KHDRBS3: variants seen among roughly 807,000 people sequenced by gnomAD.
KHDRBS3 encodes KH domain-containing, RNA-binding, signal transduction-associated protein 3.
A neutral mutation model predicts 45.6 loss-of-function variants in KHDRBS3; 23 were observed. The observed-to-expected ratio is 0.50, with a 90% CI of 0.36 to 0.72. The LOEUF is 0.72. KHDRBS3 is among the 30% of genes least tolerant of loss of function. The pLI, the probability that KHDRBS3 is intolerant of heterozygous loss-of-function variation, is 0.00. For missense variants in KHDRBS3, 352 were observed against 424.8 expected, an observed-to-expected ratio of 0.83 and a Z score of 1.51; for synonymous variants, 162 against 156.5, an observed-to-expected ratio of 1.04 and a Z score of -0.26.
At chr8:135,513,043 A>G (rs1824385402) in intron 1 of KHDRBS3, among the ~76,000 whole-genome samples, 2 of 152,168 alleles carry the variant, frequency 1.3e-5, no homozygotes, top group South Asian at 2.1e-4. Flanking sequence ...TACTAAAAAT[A>G]CAAAAAATTA....
At chr8:135,564,668 A>G (rs1827318677) in intron 5 of KHDRBS3, among the ~76,000 whole-genome samples, 1 of 152,056 alleles carries the variant, frequency 6.6e-6, no homozygotes, top group Admixed American at 6.5e-5. Context: ...AGACTGGTCT[A>G]TGTCTTGACC....
intron 5 of KHDRBS3, among the ~76,000 whole-genome samples, chr8:135,566,080 T>C (rs1827398705): frequency 6.6e-6 from 1 of 152,194 alleles, no homozygotes; most frequent in Non-Finnish European, 1.5e-5. Context: ...ACAACAGCCA[T>C]GTATAAGCGA....
intron 2 of KHDRBS3, among the ~76,000 whole-genome samples, chr8:135,527,340 C>A (rs1040176443): frequency 2.0e-5 from 3 of 152,162 alleles, no homozygotes; most frequent in Non-Finnish European, 4.4e-5. Context: ...GAGGTTGTCT[C>A]TAAAGAGTCT....
At chr8:135,547,915 T>C (rs934661399) in intron 3 of KHDRBS3, among the ~76,000 whole-genome samples, 4 of 152,322 alleles carry the variant, frequency 2.6e-5, no homozygotes, top group East Asian at 3.9e-4. Flanking sequence ...GCAAAATCAG[T>C]AGTTCCTTAA....
At chr8:135,600,145 G>A (rs796628022) in intron 6 of KHDRBS3, among the ~76,000 whole-genome samples, 5 of 152,212 alleles carry the variant, frequency 3.3e-5, no homozygotes, top group Admixed American at 3.3e-4. Context: ...TTAGGAATTT[G>A]TTCTTTATCT....
At chr8:135,592,145 C>A (rs927062245) in intron 6 of KHDRBS3, among the ~76,000 whole-genome samples, 2 of 152,014 alleles carry the variant, frequency 1.3e-5, no homozygotes, top group African/African-American at 2.4e-5. Flanking sequence ...ACAAATCAAT[C>A]TTTTGCCTAA....
intron 1 of KHDRBS3, among the ~76,000 whole-genome samples, chr8:135,517,140 T>C (rs1042756095): frequency 2.0e-5 from 3 of 152,206 alleles, no homozygotes; most frequent in African/African-American, 7.2e-5. Context: ...AGGTTTGGTG[T>C]ACATGGTTTG....
At chr8:135,557,378 G>A (rs970804057) in intron 4 of KHDRBS3, 70 bp from the exon 5 acceptor site, 1 of 893,082 alleles carries the variant, frequency 1.1e-6, no homozygotes, top group Non-Finnish European at 1.6e-6. Flanking sequence ...AGAATTACTT[G>A]CTTTTTGTTC....
chr8:135,553,917 G>A (rs1320865774), intron 4 of KHDRBS3, among the ~76,000 whole-genome samples: 1 of 152,102 alleles, frequency 6.6e-6, no homozygotes, highest in African/African-American at 2.4e-5. Context: ...ACAGAAATAA[G>A]TTAGTCTGTA....
At position 135,535,150 on chromosome 8, in the gene KHDRBS3, G is replaced by T. The variant is rs143582449; in HGVS notation, c.208-7504G>T. Reference sequence around the variant, plus strand: ...TTCTGTCCCTAATTTTCTAATTTGTGTGAAAATCAGTTAAGGTTGTGTGAA... The same window carrying T: ...TTCTGTCCCTAATTTTCTAATTTGTTTGAAAATCAGTTAAGGTTGTGTGAA... On this transcript the variant is annotated intron_variant, in intron 2 of 8. Transcript: ENST00000355849. 3.0e-3 allele frequency among the ~76,000 whole-genome samples: 451 copies of T among 151,730 alleles called. 4 individuals are homozygous for T. Among genetic ancestry groups the T allele is most frequent in the African/African-American group, 0.01 (421 of 41,440 alleles).
chr8:135,469,654 C>T (rs2130186994), intron 1 of KHDRBS3, among the ~76,000 whole-genome samples: 1 of 152,156 alleles, frequency 6.6e-6, no homozygotes, highest in Admixed American at 6.5e-5. Context: ...TCAGCCTCCC[C>T]AGTAGCTGGG....
intron 7 of KHDRBS3, among the ~76,000 whole-genome samples, chr8:135,627,623 G>A (rs1326033056): frequency 6.6e-6 from 1 of 152,024 alleles, no homozygotes; most frequent in Non-Finnish European, 1.5e-5. Flanking sequence ...GAGATATAAT[G>A]TACATACAGC....
intron 5 of KHDRBS3, among the ~76,000 whole-genome samples, chr8:135,580,109 T>C (rs1828131267): frequency 6.6e-6 from 1 of 152,204 alleles, no homozygotes; most frequent in Non-Finnish European, 1.5e-5. Flanking sequence ...TTTAGTATTT[T>C]GAGAGATACT....
chr8:135,468,090 T>G (rs1821791721), intron 1 of KHDRBS3, among the ~76,000 whole-genome samples: 1 of 152,228 alleles, frequency 6.6e-6, no homozygotes, highest in Non-Finnish European at 1.5e-5. Flanking sequence ...AATTCATGCA[T>G]TTTTCTTTAA....
intron 7 of KHDRBS3, among the ~76,000 whole-genome samples, chr8:135,626,826 AG>A (rs1305809146): frequency 4.3e-5 from 6 of 140,318 alleles, no homozygotes; most frequent in South Asian, 4.8e-4. Flanking sequence ...AAAAAAAAAG[AG>A]GCACAGTGGG....
chr8:135,638,947 G>T (rs576723991), intron 7 of KHDRBS3, among the ~76,000 whole-genome samples: 128 of 145,712 alleles, frequency 8.8e-4, no homozygotes, highest in African/African-American at 3.1e-3. Context: ...GAAACAGAGC[G>T]AGAGAGTGAG....
chr8:135,616,463 T>G (rs922473804), intron 7 of KHDRBS3, among the ~76,000 whole-genome samples: 4 of 152,194 alleles, frequency 2.6e-5, no homozygotes, highest in Admixed American at 1.3e-4. Context: ...CCACTGTCAC[T>G]TTACTCTTTA....
intron 7 of KHDRBS3, among the ~76,000 whole-genome samples, chr8:135,639,662 T>G (rs555688229): frequency 6.6e-6 from 1 of 152,314 alleles, no homozygotes; most frequent in African/African-American, 2.4e-5. Flanking sequence ...AAAAGAGGTT[T>G]AATTGGCTCA....
chr8:135,511,150 A>T (rs1824263848), intron 1 of KHDRBS3, among the ~76,000 whole-genome samples: 1 of 152,206 alleles, frequency 6.6e-6, no homozygotes, highest in South Asian at 2.1e-4. Context: ...GGACATAGGA[A>T]TCAGATAACT....
Sources: gnomAD v4.1 joint callset for allele counts (sites outside exome capture counted in the v4.1 genomes callset) on GRCh38, gnomAD v4.1.1 for gene constraint, MANE v1.5 for transcripts, NCBI Gene and HGNC (gene_info 2026-07-23, HGNC 2026-07-21) for gene names.